The following LCN1 variants were observed in gnomAD, a reference collection of about 807,000 sequenced individuals.
LCN1 encodes lipocalin 1, also known as lipocalin-1.
LCN1 carries 25 observed loss-of-function variants against 22.3 expected under a neutral mutation model. That is an observed-to-expected ratio of 1.12 (90% CI 0.82 to 1.56). The LOEUF (loss-of-function observed/expected upper bound fraction) is 1.56, where lower values mean the gene tolerates loss of function less well. Among genes scored for constraint, LCN1 ranks in the 40% most tolerant of loss-of-function variants. The pLI, the probability that LCN1 is intolerant of heterozygous loss-of-function variation, is 0.00. For missense variants in LCN1, 219 were observed against 235.6 expected (o/e 0.93, Z 0.46); for synonymous variants, 85 against 97.6 (o/e 0.87, Z 0.76).
chr9:135,524,955 C>A, intron 5 of LCN1, 24 bp downstream of exon 5: 1 of 1,586,518 alleles, frequency 6.3e-7, no homozygotes. Flanking sequence ...CCCTGCAGAG[C>A]CCCCCATGTC....
At chr9:135,521,694 G>A (rs2118943745) in intron 1 of LCN1, 107 bp downstream of exon 1, 1 of 999,912 alleles carries the variant, frequency 1.0e-6, no homozygotes, top group African/African-American at 1.6e-5. Flanking sequence ...TTTTTGGGTT[G>A]GGCATTCAAG....
intron 6 of LCN1, 22 bp downstream of exon 6, chr9:135,525,180 A>T: frequency 5.6e-6 from 9 of 1,610,318 alleles, no homozygotes; most frequent in Non-Finnish European, 7.6e-6. Context: ...GCTTTAGAGG[A>T]CATTTGAGAA....
chr9:135,521,799 G>A (rs1362112717), intron 1 of LCN1, among the ~76,000 whole-genome samples: 3 of 152,082 alleles, frequency 2.0e-5, no homozygotes, highest in African/African-American at 4.8e-5. Context: ...CTGGGAGGGT[G>A]GGGGTCTGGC....
At chr9:135,525,210 G>C in intron 6 of LCN1, 52 bp downstream of exon 6, 1 of 1,582,228 alleles carries the variant, frequency 6.3e-7, no homozygotes, top group East Asian at 2.2e-5. Flanking sequence ...CTGGGGCTCA[G>C]TGGTGCTTCC....
rs1421726140 is a variant in LCN1, at chr9:135,523,967, C to T, written c.380C>T (p.Pro127Leu). 15 of 1,613,838 alleles carry T rather than the reference C, an allele frequency of 9.3e-6. No homozygotes were observed. The highest frequency in any genetic ancestry group is 1.7e-5 in the Admixed American group (1 of 59,990). The change falls in exon 4 of 7, where the codon CCG becomes CTG. Residue 127 changes from proline to leucine, a missense_variant. Transcript: ENST00000371781. ...FYCEGELHGK[P>L]VRGVKLVGRD... is the part of the protein sequence containing the mutation. ...TGTGAGGGCGAGCTGCACGGGAAGC[C>T]GGTCCGAGGGGTGAAGCTCGTGGGT...
intron 3 of LCN1, among the ~76,000 whole-genome samples, chr9:135,523,619 G>T (rs576243686): frequency 6.6e-6 from 1 of 152,160 alleles, no homozygotes; most frequent in Non-Finnish European, 1.5e-5. Flanking sequence ...TCCCACCTCC[G>T]CAGACCTCAT....
intron 1 of LCN1, 31 bp from the exon 2 acceptor site, chr9:135,522,016 C>T (rs1246131104): frequency 6.3e-7 from 1 of 1,587,902 alleles, no homozygotes; most frequent in South Asian, 1.1e-5. Flanking sequence ...GAGCAGTCGG[C>T]CTGAGCCTGA....
intron 3 of LCN1, among the ~76,000 whole-genome samples, chr9:135,523,569 G>A (rs577716831): frequency 1.4e-4 from 22 of 152,324 alleles, no homozygotes; most frequent in Admixed American, 2.0e-4. Flanking sequence ...GCAGGGCCAG[G>A]AGCAGAGTCG....
At chr9:135,521,697 C>A in intron 1 of LCN1, 110 bp downstream of exon 1, 1 of 846,194 alleles carries the variant, frequency 1.2e-6, no homozygotes, top group Non-Finnish European at 1.8e-6. Context: ...TTGGGTTGGG[C>A]ATTCAAGCCC....
At chr9:135,524,696 G>T (rs1366102848) in intron 4 of LCN1, 134 bp from the exon 5 acceptor site, 7 of 670,566 alleles carry the variant, frequency 1.0e-5, no homozygotes, top group Non-Finnish European at 1.8e-5. Flanking sequence ...GCCAGCCTGA[G>T]GGCCTCTGGG....
chr9:135,522,631 G>C (rs149258569), intron 2 of LCN1, among the ~76,000 whole-genome samples: 1 of 152,196 alleles, frequency 6.6e-6, no homozygotes, highest in Non-Finnish European at 1.5e-5. Context: ...TCACCTGTGC[G>C]GCTCTCACCT....
chr9:135,521,683 G>T (rs1490882911), intron 1 of LCN1, 96 bp downstream of exon 1: 2 of 958,872 alleles, frequency 2.1e-6, no homozygotes, highest in East Asian at 6.7e-5. Flanking sequence ...GGAGACCCTC[G>T]TTTTTGGGTT....
rs765109723 is a variant in LCN1, at chr9:135,523,242, C to T, written c.232C>T (p.Arg78Trp). Reference sequence around the variant, plus strand: ...GCTTCTGTTTTCCAGGATAAGTGGCCGGTGCCAGGAGGTGAAGGCCGTCCT... The same window carrying T: ...GCTTCTGTTTTCCAGGATAAGTGGCTGGTGCCAGGAGGTGAAGGCCGTCCT... ...EAKVTMLISG[R>W]CQEVKAVLEK... is the part of the protein sequence containing the mutation. The change falls in exon 3 of 7, where the codon CGG (arginine) becomes TGG (tryptophan). Residue 78 changes from arginine to tryptophan, a missense_variant. By Grantham distance (101) the Arg-to-Trp change is moderately radical. Coordinates refer to ENST00000371781, the MANE Select transcript of LCN1 (RefSeq NM_002297.4). 6 of 1,611,816 alleles carry T rather than the reference C, an allele frequency of 3.7e-6. No individual in the cohort carries two copies. Among genetic ancestry groups the T allele is most frequent in the South Asian group, 2.2e-5 (2 of 90,900 alleles).
At chr9:135,525,041 C>G (rs1270146738) in intron 5 of LCN1, 91 bp from the exon 6 acceptor site, 1 of 1,567,532 alleles carries the variant, frequency 6.4e-7, no homozygotes, top group Non-Finnish European at 8.7e-7. Flanking sequence ...CTTTGTCCTT[C>G]CTGGGGTGGT....
At position 135,523,894 on chromosome 9, in the gene LCN1, G is replaced by A. The variant is rs55884352; in HGVS notation, c.307G>A (p.Val103Met). 2.7e-5 allele frequency: 43 copies of A among 1,613,940 alleles called. 1 individual carries two copies. The South Asian group carries it at 2.9e-4, about 11-fold the overall frequency. Reference sequence around the variant, plus strand: ...TCTTTCTGCAGACGGGGGCAAGCACGTGGCATACATCATCAGGTCGCACGT... The same window carrying A: ...TCTTTCTGCAGACGGGGGCAAGCACATGGCATACATCATCAGGTCGCACGT... ...GKYTADGGKH[V>M]AYIIRSHVKD... is the part of the protein sequence containing the mutation. The change falls in exon 4 of 7, where the codon GTG (valine) becomes ATG (methionine). Residue 103 changes from valine (V) to methionine (M), a missense_variant. Transcript: ENST00000371781.
In LCN1 at chr9:135,521,519, G is replaced by A. The variant is rs200530565; in HGVS notation, c.22G>A (p.Val8Ile). 90 of 1,612,900 alleles carry A rather than the reference G, an allele frequency of 5.6e-5. No homozygotes were observed. Among genetic ancestry groups the A allele is most frequent in the South Asian group, 1.3e-4 (12 of 91,030 alleles). ...GGAGATGAAGCCCCTGCTCCTGGCC[G>A]TCAGCCTTGGCCTCATTGCTGCCCT... MKPLLLA[V>I]SLGLIAALQA... is the part of the protein sequence containing the mutation. Residue 8 changes from valine to isoleucine, a missense_variant, in exon 1 of 7, where the codon GTC becomes ATC. Transcript: ENST00000371781.
intron 5 of LCN1, 33 bp from the exon 6 acceptor site, chr9:135,525,099 G>T (rs200448006): frequency 6.2e-7 from 1 of 1,610,766 alleles, no homozygotes; most frequent in African/African-American, 1.3e-5. Flanking sequence ...CATTCCTGGG[G>T]TCTCCTAACG....
intron 4 of LCN1, among the ~76,000 whole-genome samples, chr9:135,524,308 C>T (rs868153538): frequency 1.3e-5 from 2 of 152,276 alleles, no homozygotes; most frequent in African/African-American, 4.8e-5. Flanking sequence ...TCCTTGAGCG[C>T]GTTCCTGTGG....
intron 6 of LCN1, 51 bp from the exon 7 acceptor site, chr9:135,526,293 C>A: frequency 1.2e-6 from 1 of 802,010 alleles, no homozygotes; most frequent in Non-Finnish European, 1.7e-6. Flanking sequence ...ACATTGCATC[C>A]CCCTCCCACC....
Sources: allele counts gnomAD v4.1 joint callset (sites outside exome capture counted in the v4.1 genomes callset), GRCh38; gene constraint gnomAD v4.1.1; transcripts MANE v1.5; gene names NCBI Gene and HGNC (gene_info 2026-07-23, HGNC 2026-07-21).